The following ITGAX variants were observed in gnomAD, a reference collection of about 807,000 sequenced individuals.
ITGAX encodes the protein integrin subunit alpha X.
ITGAX carries 99 observed loss-of-function variants against 140.2 expected under a neutral mutation model. The ratio of observed to expected loss-of-function variants is 0.71; its 90% CI spans 0.60 to 0.83. The LOEUF (loss-of-function observed/expected upper bound fraction) is 0.83. Among genes scored for constraint, ITGAX ranks in the 40% least tolerant of loss-of-function variants. The pLI is 0.00. For missense variants in ITGAX, 1,444 were observed against 1,482.0 expected (o/e 0.97, Z 0.42); for synonymous variants, 631 against 600.4 (o/e 1.05, Z -0.75).
At chr16:31,374,996 T>A (rs1199585235) in intron 20 of ITGAX, among the ~76,000 whole-genome samples, 1 of 152,012 alleles carries the variant, frequency 6.6e-6, no homozygotes, top group Non-Finnish European at 1.5e-5. Context: ...CTTTCTTCTT[T>A]CTTTTTCTTT....
At chr16:31,360,891 G>A in intron 8 of ITGAX, 172 bp from the exon 9 acceptor site, 2 of 622,054 alleles carry the variant, frequency 3.2e-6, no homozygotes, top group Non-Finnish European at 5.5e-6. Context: ...CCAGACTGGA[G>A]ACCATGATCC....
At chr16:31,371,237 G>C in intron 15 of ITGAX, 23 bp downstream of exon 15, 1 of 1,602,254 alleles carries the variant, frequency 6.2e-7, no homozygotes, top group Non-Finnish European at 8.5e-7. Context: ...TTTCTCAGAG[G>C]CTCCCCAGGT....
At chr16:31,358,948 G>T (rs1180200618) in intron 5 of ITGAX, among the ~76,000 whole-genome samples, 7 of 151,742 alleles carry the variant, frequency 4.6e-5, no homozygotes, top group African/African-American at 1.7e-4. Context: ...CTCCAGAGTA[G>T]CTGGGACCAC....
chr16:31,356,819 C>T, intron 3 of ITGAX, 91 bp downstream of exon 3: 2 of 1,005,734 alleles, frequency 2.0e-6, no homozygotes, highest in South Asian at 1.5e-5. Context: ...TCACTTTCAG[C>T]TTCCACTGTG....
chr16:31,363,290 G>A lies in ITGAX; in HGVS notation c.1626G>A (p.Gly542=), dbSNP rs755661679. 13 of 1,613,924 alleles carry A rather than the reference G, an allele frequency of 8.1e-6. No homozygotes were observed. Among genetic ancestry groups the A allele is most frequent in the Non-Finnish European group, 1.1e-5 (13 of 1,179,948 alleles). ...NGDKLTDVVI[G]APGEEENRGA... is the part of the protein sequence containing the mutation. ...ACAAGCTGACAGACGTGGTCATCGG[G>A]GCCCCAGGAGAGGAGGAGAACCGGG... is the stretch of plus-strand genomic sequence containing the variant. Residue 542 remains glycine, a synonymous_variant, in exon 14 of 30, where the codon GGG becomes GGA. Transcript: ENST00000268296.
chr16:31,364,314 A>AG (rs2080869110), intron 14 of ITGAX, among the ~76,000 whole-genome samples: 1 of 150,666 alleles, frequency 6.6e-6, no homozygotes. Flanking sequence ...TGTAGTCCCA[A>AG]TTACTCGGGA....
intron 14 of ITGAX, among the ~76,000 whole-genome samples, chr16:31,365,615 A>G (rs922350482): frequency 6.6e-6 from 1 of 152,204 alleles, no homozygotes; most frequent in Non-Finnish European, 1.5e-5. Context: ...ATCTGTTTTA[A>G]TTATCATTAA....
At chr16:31,362,296 G>A in intron 11 of ITGAX, 92 bp downstream of exon 11, 1 of 1,360,404 alleles carries the variant, frequency 7.4e-7, no homozygotes. Context: ...GGGCTGTGCT[G>A]CCCAGGGTGG....
In ITGAX at chr16:31,377,070, A is replaced by T; in HGVS notation, c.2696A>T (p.Asn899Ile). Residue 899 changes from asparagine (N) to isoleucine (I), a missense_variant, in exon 22 of 30, where the codon AAT becomes ATT. Asn to Ile is a moderately radical substitution (Grantham distance 149). Transcript: ENST00000268296. ...GGAGACCGGCTGCTTCTGACAGCCAATGTGAGCAGGTGAGCCGGGCCAGGC... is the reference window on the plus strand; with the variant it reads ...GGAGACCGGCTGCTTCTGACAGCCATTGTGAGCAGGTGAGCCGGGCCAGGC... ...VLGDRLLLTA[N>I]VSSENNTPRT... The T allele has an allele frequency of 1.2e-6, 2 of 1,614,158 alleles. No homozygotes were observed. Among genetic ancestry groups the T allele is most frequent in the Non-Finnish European group, 1.7e-6 (2 of 1,180,000 alleles).
At chr16:31,363,135 G>C in intron 13 of ITGAX, 30 bp from the exon 14 acceptor site, 3 of 1,607,586 alleles carry the variant, frequency 1.9e-6, no homozygotes, top group Non-Finnish European at 2.5e-6. Context: ...GGTTGCCCGG[G>C]TTGGGCCTGG....
Position 31,382,455 on chromosome 16 carries a change from C to A in ITGAX, c.*548C>A, listed in dbSNP as rs971960224. 8 of 1,534,930 alleles carry A rather than the reference C, an allele frequency of 5.2e-6. No individual in the cohort carries two copies. Among genetic ancestry groups the A allele is most frequent in the Non-Finnish European group, 6.1e-6 (7 of 1,145,804 alleles). On this transcript the variant is annotated 3_prime_UTR_variant, in exon 30 of 30. Coordinates refer to ENST00000268296, the MANE Select transcript of ITGAX (RefSeq NM_000887.5). ...TTCTGAATATGCTGCTCATCCCCAC[C>A]TGTCTTCAACAGCTCCCCATTACCC...
intron 1 of ITGAX, 37 bp downstream of exon 1, chr16:31,355,328 C>G (rs756029890): frequency 1.2e-6 from 2 of 1,611,784 alleles, no homozygotes; most frequent in Non-Finnish European, 1.7e-6. Flanking sequence ...GCTGGGGACC[C>G]AGGCCCAAGG....
rs555061655 is a variant in ITGAX, at chr16:31,371,965, C to T, written c.2160+181C>T. 4.3e-4 allele frequency among the ~76,000 whole-genome samples: 66 copies of T among 152,244 alleles called. No individual in the cohort carries two copies. In the South Asian group the frequency reaches 5.2e-3, roughly 12 times the overall value. On this transcript the variant is annotated intron_variant, in intron 17 of 29. Coordinates refer to ENST00000268296, the MANE Select transcript of ITGAX (RefSeq NM_000887.5). ...TGAGCGAGCAAACAAGTGATGAGAT[C>T]GGCTGCAATTTCCAGGGGCCACACG...
chr16:31,367,870 T>C (rs1425726828), intron 14 of ITGAX, among the ~76,000 whole-genome samples: 4 of 152,196 alleles, frequency 2.6e-5, no homozygotes, highest in Non-Finnish European at 5.9e-5. Context: ...GCAAAGTCAA[T>C]TGAAAACCTT....
intron 12 of ITGAX, 79 bp downstream of exon 12, chr16:31,362,832 G>C (rs1597068014): frequency 6.2e-7 from 1 of 1,606,452 alleles, no homozygotes; most frequent in East Asian, 2.2e-5. Context: ...GAGGGGCTTT[G>C]AGGGCCTTGG....
At chr16:31,361,476 G>A in intron 9 of ITGAX, 1 of 669,464 alleles carries the variant, frequency 1.5e-6, no homozygotes, top group Non-Finnish European at 2.7e-6. Flanking sequence ...ACAAAAAGCA[G>A]TGCCAGGCCC....
In ITGAX at chr16:31,357,073, C is replaced by T. The variant is rs1480951051; in HGVS notation, c.290C>T (p.Ala97Val). The change falls in exon 4 of 30, where the codon GCG becomes GTG. Residue 97 changes from alanine (A) to valine (V), a missense_variant. By Grantham distance (64) the Ala-to-Val change is moderately conservative. Coordinates refer to ENST00000268296, the MANE Select transcript of ITGAX (RefSeq NM_000887.5). ...AVNMSLGLSL[A>V]STTSPSQLLA... ...AACATGTCCCTGGGCCTGTCCCTGG[C>T]GTCTACCACCAGCCCTTCCCAGCTG... 9.3e-6 allele frequency: 15 copies of T among 1,609,902 alleles called. No individual in the cohort carries two copies. Among genetic ancestry groups the T allele is most frequent in the East Asian group, 2.2e-5 (1 of 44,866 alleles).
chr16:31,368,673 C>T (rs1261962184), intron 14 of ITGAX, among the ~76,000 whole-genome samples: 1 of 151,052 alleles, frequency 6.6e-6, no homozygotes, highest in Non-Finnish European at 1.5e-5. Flanking sequence ...TTCGCAGGGT[C>T]ATAGGACAAT....
rs751353033 is a variant in ITGAX at position 31,380,563 on chromosome 16, T to G, written c.3215T>G (p.Ile1072Ser). The G allele has an allele frequency of 6.2e-7, 1 of 1,614,206 alleles. No homozygotes were observed. Among genetic ancestry groups the G allele is most frequent in the South Asian group, 1.1e-5 (1 of 91,086 alleles). The change falls in exon 28 of 30, where the codon ATT becomes AGT. Residue 1072 changes from isoleucine (I) to serine (S), a missense_variant. Transcript: ENST00000268296. ...GTGTCGGTCGTGAGTGTGGCTGAAA[T>G]TACGTTCGACACATCCGTGTACTCC... ...KKVSVVSVAEITFDTSVYSQL... is the reference protein window; with the variant it reads ...KKVSVVSVAESTFDTSVYSQL...
Sources: allele counts gnomAD v4.1 joint callset (sites outside exome capture counted in the v4.1 genomes callset), GRCh38; gene constraint gnomAD v4.1.1; transcripts MANE v1.5; gene names NCBI Gene and HGNC (gene_info 2026-07-23, HGNC 2026-07-21).